Variants in DNAJC3 observed in about 807,000 individuals in gnomAD.
DNAJC3 encodes DnaJ heat shock protein family (Hsp40) member C3.
Under a neutral mutation model 68.6 loss-of-function variants are expected in DNAJC3, and 38 were observed. That is an observed-to-expected ratio of 0.55 (90% confidence interval 0.43 to 0.73). The LOEUF is 0.73. Among genes scored for constraint, DNAJC3 ranks in the 30% least tolerant of loss-of-function variants. The pLI, the probability that DNAJC3 is intolerant of heterozygous loss-of-function variation, is 0.00. For missense variants in DNAJC3, 526 were observed against 591.9 expected (o/e 0.89, Z 1.16); for synonymous variants, 203 against 204.0 (o/e 1.00, Z 0.04).
chr13:95,772,259 T>A (rs1231551303), intron 9 of DNAJC3, among the ~76,000 whole-genome samples: 1 of 152,232 alleles, frequency 6.6e-6, no homozygotes, highest in African/African-American at 2.4e-5. Context: ...GGATATTTCA[T>A]TTCATGCATA....
At chr13:95,735,907 C>T (rs1425596224) in intron 4 of DNAJC3, among the ~76,000 whole-genome samples, 2 of 152,174 alleles carry the variant, frequency 1.3e-5, no homozygotes, top group Non-Finnish European at 2.9e-5. Context: ...ATGCCTATGT[C>T]CTGAATGGTA....
intron 1 of DNAJC3, among the ~76,000 whole-genome samples, chr13:95,708,768 G>A (rs1037236128): frequency 1.3e-5 from 2 of 152,100 alleles, no homozygotes; most frequent in Non-Finnish European, 2.9e-5. Flanking sequence ...AACATCAGGC[G>A]CCAGGACGGT....
chr13:95,791,080 G>T lies in DNAJC3; in HGVS notation c.*50G>T, dbSNP rs369077703. ...AATTTTTTTAAAGATTAAAAACAAA[G>T]AAATCTTGTTCCGGGACCCTAATGA... On this transcript the variant is annotated 3_prime_UTR_variant, in exon 12 of 12. Transcript: ENST00000602402. The T allele has an allele frequency of 6.2e-5, 99 of 1,592,244 alleles. No homozygotes were observed. The highest frequency in any genetic ancestry group is 7.3e-5 in the Non-Finnish European group (86 of 1,171,296).
At chr13:95,737,352 A>G (rs367613683) in intron 4 of DNAJC3, among the ~76,000 whole-genome samples, 1 of 152,080 alleles carries the variant, frequency 6.6e-6, no homozygotes, top group Non-Finnish European at 1.5e-5. Context: ...AGTTAGGGAG[A>G]ATTCCCTCTT....
intron 2 of DNAJC3, among the ~76,000 whole-genome samples, chr13:95,719,437 A>G (rs1040075277): frequency 6.6e-6 from 1 of 152,162 alleles, no homozygotes; most frequent in African/African-American, 2.4e-5. Flanking sequence ...TTGGTAACCA[A>G]CTCAACCTTC....
chr13:95,678,710 A>G (rs925518349), intron 1 of DNAJC3, among the ~76,000 whole-genome samples: 7 of 151,880 alleles, frequency 4.6e-5, no homozygotes, highest in East Asian at 1.9e-4. Flanking sequence ...AAAGTTGCCT[A>G]TGTTCTGTTT....
intron 1 of DNAJC3, among the ~76,000 whole-genome samples, chr13:95,677,702 A>G (rs752263078): frequency 1.3e-5 from 2 of 152,154 alleles, no homozygotes; most frequent in African/African-American, 2.4e-5. Flanking sequence ...GCCTGGGGAC[A>G]CTGTCAGTCA....
chr13:95,686,316 G>A (rs1006898887), intron 1 of DNAJC3, among the ~76,000 whole-genome samples: 3 of 152,144 alleles, frequency 2.0e-5, no homozygotes, highest in Non-Finnish European at 4.4e-5. Flanking sequence ...TTGTTTGAGT[G>A]TCTTGTAGAT....
At chr13:95,704,851 G>GTGTT (rs1555323371) in intron 1 of DNAJC3, among the ~76,000 whole-genome samples, 2 of 97,860 alleles carry the variant, frequency 2.0e-5, no homozygotes, top group African/African-American at 1.2e-4. Context: ...GTGTGTGTGT[G>GTGTT]TTTTTTTTTT....
intron 4 of DNAJC3, among the ~76,000 whole-genome samples, chr13:95,732,056 G>T (rs2139649213): frequency 6.6e-6 from 1 of 151,942 alleles, no homozygotes; most frequent in East Asian, 1.9e-4. Context: ...TTACCTTTTT[G>T]TCAAGCTATT....
At chr13:95,692,857 T>A (rs1274499763) in intron 1 of DNAJC3, 1 of 151,372 alleles carries the variant, frequency 6.6e-6, no homozygotes, top group African/African-American at 2.4e-5. Flanking sequence ...GTCTTGATCT[T>A]CTGCCCAGGC....
chr13:95,711,263 C>G (rs938578276), intron 2 of DNAJC3, among the ~76,000 whole-genome samples: 1 of 152,170 alleles, frequency 6.6e-6, no homozygotes, highest in African/African-American at 2.4e-5. Flanking sequence ...CTTTGAGAGG[C>G]TGAGGTGGTG....
At chr13:95,745,833 GA>G (rs1398374713) in intron 4 of DNAJC3, 1 of 152,120 alleles carries the variant, frequency 6.6e-6, no homozygotes, top group African/African-American at 2.4e-5. Context: ...ACACTTTGAA[GA>G]AAAAAGAAAA....
At position 95,760,117 on chromosome 13, in the gene DNAJC3, A is replaced by G. The variant is rs1882776758; in HGVS notation, c.624A>G (p.Ile208Met). ...AAGAAGGAGAACCTAGGAAAGCTATAAGTGACTTAAAAGCTGCGTCAAAGT... is the reference window on the plus strand; with the variant it reads ...AAGAAGGAGAACCTAGGAAAGCTATGAGTGACTTAAAAGCTGCGTCAAAGT... ...FIKEGEPRKA[I>M]SDLKAASKLK... is the part of the protein sequence containing the mutation. Residue 208 changes from isoleucine (I) to methionine (M), a missense_variant, in exon 6 of 12, where the codon ATA (isoleucine) becomes ATG (methionine). Ile to Met is a conservative substitution (Grantham distance 10, BLOSUM62 1). Coordinates refer to ENST00000602402, the MANE Select transcript of DNAJC3 (RefSeq NM_006260.5). 1.9e-6 allele frequency: 3 copies of G among 1,613,022 alleles called. No homozygotes were observed. Among genetic ancestry groups the G allele is most frequent in the Non-Finnish European group, 2.5e-6 (3 of 1,179,458 alleles).
At chr13:95,787,915 A>T (rs1290057373) in intron 11 of DNAJC3, among the ~76,000 whole-genome samples, 1 of 147,804 alleles carries the variant, frequency 6.8e-6, no homozygotes, top group Non-Finnish European at 1.5e-5. Flanking sequence ...AGAGAATTTC[A>T]TGTTAAGCTT....
chr13:95,742,083 G>A (rs1882162995), intron 4 of DNAJC3, among the ~76,000 whole-genome samples: 1 of 152,212 alleles, frequency 6.6e-6, no homozygotes, highest in Non-Finnish European at 1.5e-5. Flanking sequence ...GGCAGCAGCT[G>A]TAGGCAGGTG....
chr13:95,719,056 G>A (rs879831596), intron 2 of DNAJC3, among the ~76,000 whole-genome samples: 1 of 152,224 alleles, frequency 6.6e-6, no homozygotes, highest in Non-Finnish European at 1.5e-5. Flanking sequence ...GGATTCCCAT[G>A]ACCCCTTCCT....
intron 4 of DNAJC3, among the ~76,000 whole-genome samples, chr13:95,732,694 AT>A (rs1180901391): frequency 2.8e-5 from 4 of 140,810 alleles, no homozygotes; most frequent in African/African-American, 1.1e-4. Flanking sequence ...TGTGATCTTT[AT>A]TTTTTTTTCC....
At chr13:95,714,256 A>C (rs972773256) in intron 2 of DNAJC3, among the ~76,000 whole-genome samples, 2 of 152,236 alleles carry the variant, frequency 1.3e-5, no homozygotes, top group African/African-American at 4.8e-5. Flanking sequence ...AATGAATATA[A>C]ATATTTCTTT....
Sources: allele counts gnomAD v4.1 joint callset (sites outside exome capture counted in the v4.1 genomes callset), GRCh38; gene constraint gnomAD v4.1.1; transcripts MANE v1.5; gene names NCBI Gene and HGNC (gene_info 2026-07-23, HGNC 2026-07-21).